The following SSR3 variants were observed in gnomAD, a reference collection of about 807,000 sequenced individuals.
SSR3 encodes signal sequence receptor subunit 3.
A neutral mutation model predicts 22.1 loss-of-function variants in SSR3; 10 were observed. The ratio of observed to expected loss-of-function variants is 0.45; its 90% CI spans 0.28 to 0.77. SSR3 has a LOEUF of 0.77. Among genes scored for constraint, SSR3 ranks in the 30% least tolerant of loss-of-function variants. SSR3 has a pLI of 0.13. For synonymous variants in SSR3, 104 were observed against 82.5 expected, an observed-to-expected ratio of 1.26 and a Z score of -1.42; for missense variants, 181 against 220.5, an observed-to-expected ratio of 0.82 and a Z score of 1.13.
At position 156,543,139 on chromosome 3, in the gene SSR3, G is replaced by GCTA. The variant is rs1464210466; in HGVS notation, c.*61_*63dup. On this transcript the variant is annotated 3_prime_UTR_variant, in exon 5 of 5. Coordinates refer to ENST00000265044, the MANE Select transcript of SSR3 (RefSeq NM_007107.5). ...TTGTGTCTCCCACCCTGACCACCCTGCTACTTTTCCATATACCACAGGCCA... is the reference window on the plus strand; with the variant it reads ...TTGTGTCTCCCACCCTGACCACCCTGCTACTACTTTTCCATATACCACAGGCCA... 4.9e-5 allele frequency: 71 copies of GCTA among 1,458,212 alleles called. No homozygotes were observed. In the Middle Eastern group the frequency reaches 3.2e-3, roughly 66 times the overall value. 90.3% of individuals were successfully genotyped at this position (1,458,212 alleles called of 1,614,324 possible).
chr3:156,543,404 T>C (rs1288004743), intron 4 of SSR3, 135 bp from the exon 5 acceptor site: 10 of 578,988 alleles, frequency 1.7e-5, no homozygotes, highest in Non-Finnish European at 2.7e-5. Context: ...GCAGCCCCAT[T>C]GTCTGCAAAC....
At chr3:156,545,806 C>G (rs1362972532) in intron 3 of SSR3, among the ~76,000 whole-genome samples, 2 of 152,184 alleles carry the variant, frequency 1.3e-5, no homozygotes, top group African/African-American at 4.8e-5. Context: ...TTTTAAAACA[C>G]AAGAGTTGGA....
chr3:156,552,155 G>C (rs1719983908), intron 2 of SSR3, among the ~76,000 whole-genome samples: 1 of 152,030 alleles, frequency 6.6e-6, no homozygotes, highest in Admixed American at 6.5e-5. Context: ...ACAAAAATTA[G>C]CCAGGCGTGG....
In SSR3 at chr3:156,543,118, G is replaced by C. The variant is rs921808743; in HGVS notation, c.*85C>G. The C allele has an allele frequency of 1.5e-5, 18 of 1,170,994 alleles. No individual in the cohort carries two copies. The highest frequency in any genetic ancestry group is 2.1e-5 in the Non-Finnish European group (17 of 801,200). 72.5% of individuals were successfully genotyped at this position (1,170,994 alleles called of 1,614,324 possible). A position where few individuals can be genotyped will look rare whatever the true frequency, so the allele number is the denominator to read the frequency against. On this transcript the variant is annotated 3_prime_UTR_variant, in exon 5 of 5. Transcript: ENST00000265044. Reference sequence around the variant, plus strand: ...GCTCTAGACTATAAAAACATCTTGTGTCTCCCACCCTGACCACCCTGCTAC... The same window carrying C: ...GCTCTAGACTATAAAAACATCTTGTCTCTCCCACCCTGACCACCCTGCTAC...
rs1236241493 is a variant in SSR3, at chr3:156,544,337, G to A, written c.462C>T (p.Phe154=). ...TGGGGTTGAAGTTCTTCAATATGAA[G>A]AAGGAAGCAACAATGACCACGACCA... The part of the protein sequence containing the change: ...LFLVVVIVAS[F]FILKNFNPTV... Residue 154 remains phenylalanine (F), a synonymous_variant, in exon 4 of 5, where the codon TTC becomes TTT. Transcript: ENST00000265044. The A allele has an allele frequency of 9.4e-6, 15 of 1,594,474 alleles. No individual in the cohort carries two copies. Among genetic ancestry groups the A allele is most frequent in the Non-Finnish European group, 1.3e-5 (15 of 1,170,392 alleles).
At chr3:156,553,896 T>C (rs1488745289) in intron 1 of SSR3, 115 bp from the exon 2 acceptor site, 4 of 1,041,642 alleles carry the variant, frequency 3.8e-6, no homozygotes, top group Non-Finnish European at 5.4e-6. Context: ...GGTTATTAGT[T>C]ATGCAATCCA....
intron 3 of SSR3, among the ~76,000 whole-genome samples, chr3:156,547,647 A>C (rs577969807): frequency 2.0e-5 from 3 of 152,288 alleles, no homozygotes; most frequent in East Asian, 3.9e-4. Flanking sequence ...CAGTTTTATA[A>C]AGGAGCCATA....
Position 156,543,144 on chromosome 3 carries a change from T to A in SSR3, c.*59A>T. The A allele has an allele frequency of 6.6e-7, 1 of 1,517,560 alleles. No homozygotes were observed. The highest frequency in any genetic ancestry group is 9.1e-7 in the Non-Finnish European group (1 of 1,098,252). 94.0% of individuals were successfully genotyped at this position (1,517,560 alleles called of 1,614,324 possible). On this transcript the variant is annotated 3_prime_UTR_variant, in exon 5 of 5. Coordinates refer to ENST00000265044, the MANE Select transcript of SSR3 (RefSeq NM_007107.5). Reference sequence around the variant, plus strand: ...TCTCCCACCCTGACCACCCTGCTACTTTTCCATATACCACAGGCCACCCAT... The same window carrying A: ...TCTCCCACCCTGACCACCCTGCTACATTTCCATATACCACAGGCCACCCAT...
chr3:156,544,526 A>G lies in SSR3; in HGVS notation c.360-87T>C, dbSNP rs1719690992. 4 of 1,157,974 alleles carry G rather than the reference A, an allele frequency of 3.5e-6. No homozygotes were observed. In the South Asian group the frequency reaches 1.1e-4, roughly 31 times the overall value. The allele number at this position is 1,157,974 out of a possible 1,614,324, so 71.7% of individuals were successfully genotyped here. A position where few individuals can be genotyped will look rare whatever the true frequency, so the allele number is the denominator to read the frequency against. On this transcript the variant is annotated intron_variant, in intron 3 of 4. Coordinates refer to ENST00000265044, the MANE Select transcript of SSR3 (RefSeq NM_007107.5). ...CCATATGGCTCTAGTTCATCATAAA[A>G]CAAGTTTTTCCTTGAGTGTTCTAGG...
chr3:156,555,083 G>A lies in SSR3; in HGVS notation c.7C>T (p.Pro3Ser), dbSNP rs1236748921. 8 of 1,613,546 alleles carry A rather than the reference G, an allele frequency of 5.0e-6. No individual in the cohort carries two copies. The highest frequency in any genetic ancestry group is 1.1e-5 in the South Asian group (1 of 91,080). Residue 3 changes from proline to serine, a missense_variant, in exon 1 of 5, where the codon CCT becomes TCT. Pro to Ser is a moderately conservative substitution (Grantham distance 74). Transcript: ENST00000265044. Reference sequence around the variant, plus strand: ...GACTGCTGTTTGGAGCTGCCTTTAGGAGCCATGGCGGAGCTGCAGGCGAGA... The same window carrying A: ...GACTGCTGTTTGGAGCTGCCTTTAGAAGCCATGGCGGAGCTGCAGGCGAGA... MA[P>S]KGSSKQQSEE...
chr3:156,545,724 G>A (rs1005318671), intron 3 of SSR3, among the ~76,000 whole-genome samples: 3 of 149,028 alleles, frequency 2.0e-5, no homozygotes, highest in Admixed American at 6.7e-5. Context: ...AAGTTTGGAG[G>A]AAGGGAAGGA....
chr3:156,553,534 GTTTA>G lies in SSR3; in HGVS notation c.260+117_260+120del, dbSNP rs1720036044. On this transcript the variant is annotated intron_variant, in intron 2 of 4. Coordinates refer to ENST00000265044, the MANE Select transcript of SSR3 (RefSeq NM_007107.5). The stretch of plus-strand genomic sequence containing the variant: ...CATCAATGTTCCTTTCCCCCAAAAT[GTTTA>G]TTAATATATATATCTCAAATTAATG... 6 of 1,009,620 alleles carry G rather than the reference GTTTA, an allele frequency of 5.9e-6. No homozygotes were observed. In the Admixed American group the frequency reaches 1.9e-4, roughly 32 times the overall value. 62.5% of individuals were successfully genotyped at this position (1,009,620 alleles called of 1,614,324 possible). A position where few individuals can be genotyped will look rare whatever the true frequency, so the allele number is the denominator to read the frequency against.
chr3:156,552,831 A>T (rs962283690), intron 2 of SSR3, among the ~76,000 whole-genome samples: 8 of 152,184 alleles, frequency 5.3e-5, no homozygotes, highest in Admixed American at 1.3e-4. Context: ...CATCTTTCCT[A>T]AGTCTACGTG....
At chr3:156,544,925 T>C (rs1719707195) in intron 3 of SSR3, among the ~76,000 whole-genome samples, 2 of 152,202 alleles carry the variant, frequency 1.3e-5, no homozygotes, top group South Asian at 4.1e-4. Context: ...AAGTAGGCTA[T>C]TGTTAGCCAT....
In SSR3 at chr3:156,540,605, C is replaced by CAAAAAAAAAAA. The variant is rs751040914; in HGVS notation, c.*2587_*2597dup. ...TGGGTGACAGAGCGAGACGCTGTCT[C>CAAAAAAAAAAA]AAAAAAAAAAAAAAAAAAAAAAGAA... is the stretch of plus-strand genomic sequence containing the variant. On this transcript the variant is annotated 3_prime_UTR_variant, in exon 5 of 5. Transcript: ENST00000265044. 1.4e-5 allele frequency: 1 copy of CAAAAAAAAAAA among 71,846 alleles called. No individual in the cohort carries two copies. The highest frequency in any genetic ancestry group is 5.8e-5 in the African/African-American group (1 of 17,282). The allele number at this position is 71,846 out of a possible 1,614,324, so 4.5% of individuals were successfully genotyped here.
rs1443722317 is a variant in SSR3 at position 156,539,564 on chromosome 3, A to ATGAT, written c.*3635_*3638dup. ...CAAACAGGGATAAGTCAGCGAAAAG[A>ATGAT]TGATATATTGAAAATTCATGAAGGC... is the stretch of plus-strand genomic sequence containing the variant. On this transcript the variant is annotated 3_prime_UTR_variant, in exon 5 of 5. Transcript: ENST00000265044. 6.6e-6 allele frequency among the ~76,000 whole-genome samples: 1 copy of ATGAT among 152,208 alleles called. No individual in the cohort carries two copies. The highest frequency in any genetic ancestry group is 2.4e-5 in the African/African-American group (1 of 41,448).
chr3:156,548,672 A>C (rs1719843757), intron 3 of SSR3: 1 of 527,722 alleles, frequency 1.9e-6, no homozygotes, highest in Non-Finnish European at 3.3e-6. Context: ...AATAGTACCT[A>C]CTTCACAGGA....
chr3:156,546,528 A>G (rs1015274273), intron 3 of SSR3, among the ~76,000 whole-genome samples: 8 of 152,238 alleles, frequency 5.3e-5, no homozygotes, highest in African/African-American at 1.9e-4. Context: ...ATCAGTGTAT[A>G]AAGTCAGGAC....
Position 156,555,111 on chromosome 3 carries a change from A to C in SSR3, c.-22T>G. The C allele has an allele frequency of 6.2e-7, 1 of 1,610,522 alleles. No homozygotes were observed. The highest frequency in any genetic ancestry group is 8.5e-7 in the Non-Finnish European group (1 of 1,178,918). On this transcript the variant is annotated 5_prime_UTR_variant, in exon 1 of 5. Transcript: ENST00000265044. ...CCATGGCGGAGCTGCAGGCGAGAAC[A>C]GGGAACGTAGAGCCGGCCGCCAAGG...
Sources: allele counts gnomAD v4.1 joint callset (sites outside exome capture counted in the v4.1 genomes callset), GRCh38; gene constraint gnomAD v4.1.1; transcripts MANE v1.5; gene names NCBI Gene and HGNC (gene_info 2026-07-23, HGNC 2026-07-21).